SLC41A2: variants seen among roughly 807,000 people sequenced by gnomAD.
SLC41A2 encodes the protein SLC41A1-like 1.
Under a neutral mutation model 58.3 loss-of-function variants are expected in SLC41A2, and 32 were observed. The observed-to-expected ratio is 0.55, with a 90% CI of 0.41 to 0.74. The LOEUF (loss-of-function observed/expected upper bound fraction) is 0.74, where lower values mean the gene tolerates loss of function less well. SLC41A2 is among the 30% of genes least tolerant of loss of function. The pLI, the probability that SLC41A2 is intolerant of heterozygous loss-of-function variation, is 0.00. For missense variants in SLC41A2, 514 were observed against 680.6 expected (o/e 0.76, Z 2.72); for synonymous variants, 190 against 235.0 (o/e 0.81, Z 1.75).
intron 8 of SLC41A2, among the ~76,000 whole-genome samples, chr12:104,847,820 T>G (rs113064473): frequency 0.029 from 4,399 of 152,272 alleles, 82 homozygotes; most frequent in Non-Finnish European, 0.046. Flanking sequence ...TAGAATAGCA[T>G]CATTCAATGT....
intron 1 of SLC41A2, among the ~76,000 whole-genome samples, chr12:104,930,013 C>T (rs1172546191): frequency 6.6e-6 from 1 of 152,194 alleles, no homozygotes; most frequent in Non-Finnish European, 1.5e-5. Context: ...CACTCACTCA[C>T]TTTCCTTTCC....
chr12:104,843,229 T>C (rs2042478193), intron 10 of SLC41A2, among the ~76,000 whole-genome samples: 1 of 151,898 alleles, frequency 6.6e-6, no homozygotes, highest in Non-Finnish European at 1.5e-5. Flanking sequence ...GCCTTCCCTC[T>C]AGACTACGAG....
intron 9 of SLC41A2, among the ~76,000 whole-genome samples, chr12:104,845,008 G>A (rs915431562): frequency 1.3e-5 from 2 of 152,038 alleles, no homozygotes; most frequent in African/African-American, 2.4e-5. Flanking sequence ...TAATGGCCAC[G>A]CACAGTGGCT....
intron 6 of SLC41A2, among the ~76,000 whole-genome samples, chr12:104,874,081 T>G (rs1477425698): frequency 2.7e-5 from 4 of 149,806 alleles, no homozygotes; most frequent in African/African-American, 9.8e-5. Flanking sequence ...TTGTTTTTTT[T>G]TTTTTTTTTT....
At chr12:104,891,534 C>T (rs2044969131) in intron 4 of SLC41A2, among the ~76,000 whole-genome samples, 2 of 149,020 alleles carry the variant, frequency 1.3e-5, no homozygotes, top group African/African-American at 4.9e-5. Flanking sequence ...TATTTAACAA[C>T]TCTACTGGTT....
At chr12:104,942,855 G>A (rs4964305) in intron 1 of SLC41A2, among the ~76,000 whole-genome samples, 56,593 of 151,952 alleles carry the variant, frequency 0.37, 11,263 homozygotes, top group South Asian at 0.55. Flanking sequence ...ATACCTACAC[G>A]AAATAATGAG....
At chr12:104,860,674 G>T (rs751183272) in intron 8 of SLC41A2, among the ~76,000 whole-genome samples, 1 of 151,860 alleles carries the variant, frequency 6.6e-6, no homozygotes, top group African/African-American at 2.4e-5. Flanking sequence ...CCTGGGCTCA[G>T]GCAATCCTCC....
chr12:104,841,715 T>C (rs1484259248), intron 10 of SLC41A2, among the ~76,000 whole-genome samples: 1 of 152,126 alleles, frequency 6.6e-6, no homozygotes, highest in Non-Finnish European at 1.5e-5. Flanking sequence ...TATGTCATTA[T>C]AATAAGTGCA....
intron 2 of SLC41A2, among the ~76,000 whole-genome samples, chr12:104,914,552 T>A (rs2046228415): frequency 6.6e-6 from 1 of 152,224 alleles, no homozygotes; most frequent in South Asian, 2.1e-4. Context: ...GCTAGTAGTC[T>A]ACAGTGCATC....
chr12:104,845,433 A>G (rs1442535146), intron 9 of SLC41A2, among the ~76,000 whole-genome samples: 1 of 152,228 alleles, frequency 6.6e-6, no homozygotes, highest in Non-Finnish European at 1.5e-5. Flanking sequence ...TCATAGCCAC[A>G]TAAATAATGC....
rs1055675929 is a variant in SLC41A2 at position 104,928,427 on chromosome 12, T to C, written c.101A>G (p.Gln34Arg). The stretch of plus-strand genomic sequence containing the variant: ...GAGTAAATTTAAAAACTTGTCGGAT[T>C]GAATTGTGTTTAAACGTAAAGTCCA... ...VDWTLRLNTI[Q>R]SDKFLNLLLS... is the part of the protein sequence containing the mutation. The change falls in exon 2 of 11, where the codon CAA (glutamine) becomes CGA (arginine). Residue 34 changes from glutamine (Q) to arginine (R), a missense_variant. Around this residue, in one of 3 missense-constraint regions of SLC41A2, gnomAD observed 336 missense variants for 430.0 expected, o/e 0.78. Transcript: ENST00000258538. 40 of 1,553,342 alleles carry C rather than the reference T, an allele frequency of 2.6e-5. No homozygotes were observed. The highest frequency in any genetic ancestry group is 9.8e-5 in the Admixed American group (5 of 50,992).
chr12:104,920,750 C>T (rs2046558752), intron 2 of SLC41A2, among the ~76,000 whole-genome samples: 1 of 151,666 alleles, frequency 6.6e-6, no homozygotes, highest in Admixed American at 6.6e-5. Context: ...CAGTGAAACC[C>T]CATCTCTACT....
At chr12:104,877,867 G>C (rs1388289660) in intron 6 of SLC41A2, among the ~76,000 whole-genome samples, 2 of 151,966 alleles carry the variant, frequency 1.3e-5, no homozygotes, top group Non-Finnish European at 2.9e-5. Context: ...GGGCATGGTA[G>C]CGTGTGCTTG....
intron 10 of SLC41A2, among the ~76,000 whole-genome samples, chr12:104,806,082 AC>A (rs1257219106): frequency 1.3e-5 from 2 of 151,898 alleles, no homozygotes; most frequent in Non-Finnish European, 2.9e-5. Flanking sequence ...TTTTTACTAT[AC>A]TTTAAGTTTT....
intron 10 of SLC41A2, among the ~76,000 whole-genome samples, chr12:104,827,310 C>T (rs1221082366): frequency 6.6e-6 from 1 of 152,116 alleles, no homozygotes; most frequent in Admixed American, 6.5e-5. Flanking sequence ...AAGTAGTCAC[C>T]TCGGTCTTTT....
intron 8 of SLC41A2, among the ~76,000 whole-genome samples, chr12:104,858,685 T>A (rs1372855550): frequency 6.6e-6 from 1 of 152,202 alleles, no homozygotes; most frequent in East Asian, 1.9e-4. Context: ...CTAATTTTTA[T>A]AATTTTTGTG....
chr12:104,817,183 C>T (rs2136225400), intron 10 of SLC41A2, among the ~76,000 whole-genome samples: 1 of 152,116 alleles, frequency 6.6e-6, no homozygotes, highest in East Asian at 1.9e-4. Context: ...ATTTGTATAC[C>T]TAAACACAGA....
At chr12:104,911,701 G>C (rs1401617653) in intron 2 of SLC41A2, among the ~76,000 whole-genome samples, 1 of 152,126 alleles carries the variant, frequency 6.6e-6, no homozygotes, top group Non-Finnish European at 1.5e-5. Flanking sequence ...GGCCTAAAGA[G>C]ACCTCAGAAA....
At chr12:104,856,578 G>A (rs1014336292) in intron 8 of SLC41A2, among the ~76,000 whole-genome samples, 5 of 152,082 alleles carry the variant, frequency 3.3e-5, no homozygotes, top group Non-Finnish European at 7.4e-5. Context: ...ACATTTGTAA[G>A]CTAAAGGGAA....
Sources: gnomAD v4.1 joint callset for allele counts (sites outside exome capture counted in the v4.1 genomes callset) on GRCh38, gnomAD v4.1.1 for gene constraint, gnomAD v4.1.1 regional missense constraint, MANE v1.5 for transcripts, NCBI Gene and HGNC (gene_info 2026-07-23, HGNC 2026-07-21) for gene names.